DHTKD1: variants seen among roughly 807,000 people sequenced by gnomAD.
DHTKD1 encodes the protein 2-oxoadipate dehydrogenase complex component E1.
DHTKD1 carries 78 observed loss-of-function variants against 101.8 expected under a neutral mutation model. That is an observed-to-expected ratio of 0.77 (90% CI 0.64 to 0.93). DHTKD1 has a LOEUF of 0.93. Among genes scored for constraint, DHTKD1 ranks in the 40% least tolerant of loss-of-function variants. The pLI, the probability that DHTKD1 is intolerant of heterozygous loss-of-function variation, is 0.00. For missense variants in DHTKD1, 1,223 were observed against 1,161.7 expected (o/e 1.05, Z -0.77); for synonymous variants, 462 against 450.3 (o/e 1.03, Z -0.33).
At chr10:12,074,172 T>TTTTTGTTTTG (rs71382614) in intron 1 of DHTKD1, among the ~76,000 whole-genome samples, 247 of 150,532 alleles carry the variant, frequency 1.6e-3, no homozygotes, top group Middle Eastern at 0.01. Context: ...AAAGTTTTGC[T>TTTTTGTTTTG]TTTTGTTTTG....
At chr10:12,086,247 G>T (rs1416896372) in intron 3 of DHTKD1, among the ~76,000 whole-genome samples, 8 of 127,790 alleles carry the variant, frequency 6.3e-5, no homozygotes, top group Admixed American at 1.8e-4. Flanking sequence ...TTTTGAGATG[G>T]ATTCTCCCTG....
At chr10:12,101,966 T>C (rs928405050) in intron 10 of DHTKD1, among the ~76,000 whole-genome samples, 3 of 152,168 alleles carry the variant, frequency 2.0e-5, no homozygotes, top group African/African-American at 7.2e-5. Flanking sequence ...AGGATAGTAG[T>C]GGAGTCTTTT....
rs1460366028 is a variant in DHTKD1, at chr10:12,118,761, C to T, written c.2415C>T (p.Leu805=). 6 of 1,580,032 alleles carry T rather than the reference C, an allele frequency of 3.8e-6. No individual in the cohort carries two copies. Among genetic ancestry groups the T allele is most frequent in the South Asian group, 3.5e-5 (3 of 85,574 alleles). Residue 805 remains leucine, a synonymous_variant, in exon 15 of 17, where the codon CTC becomes CTT. Transcript: ENST00000263035. ...SSVDPKKVKT[L]VFCSGKHFYS... is the part of the protein sequence containing the mutation. ...TTCTGTCCAACAGGGTTAAGACCCTCGTGTTCTGCTCCGGCAAACATTTCT... is the reference window on the plus strand; with the variant it reads ...TTCTGTCCAACAGGGTTAAGACCCTTGTGTTCTGCTCCGGCAAACATTTCT...
chr10:12,115,159 C>A (rs898344097), intron 13 of DHTKD1, among the ~76,000 whole-genome samples: 4 of 151,616 alleles, frequency 2.6e-5, no homozygotes, highest in African/African-American at 9.7e-5. Flanking sequence ...AGAGCGCGAT[C>A]TTGGCTCGCT....
At chr10:12,070,015 A>G (rs1451862922) in intron 1 of DHTKD1, among the ~76,000 whole-genome samples, 1 of 152,048 alleles carries the variant, frequency 6.6e-6, no homozygotes, top group Admixed American at 6.6e-5. Flanking sequence ...AGACAGCATG[A>G]TATTTATTAT....
intron 13 of DHTKD1, among the ~76,000 whole-genome samples, chr10:12,113,590 A>G (rs1445356878): frequency 6.6e-6 from 1 of 152,186 alleles, no homozygotes; most frequent in Non-Finnish European, 1.5e-5. Flanking sequence ...AGCAGATGTT[A>G]TACTAGTGCC....
intron 15 of DHTKD1, among the ~76,000 whole-genome samples, chr10:12,119,319 T>A (rs1833476684): frequency 7.9e-6 from 1 of 125,926 alleles, no homozygotes; most frequent in Admixed American, 8.4e-5. Context: ...CACAAAAACA[T>A]GAAAATTTGG....
At chr10:12,108,280 T>C (rs1564397093) in intron 12 of DHTKD1, among the ~76,000 whole-genome samples, 1 of 152,142 alleles carries the variant, frequency 6.6e-6, no homozygotes, top group Non-Finnish European at 1.5e-5. Context: ...GAGAGCTTTT[T>C]TATTTTTATT....
intron 7 of DHTKD1, among the ~76,000 whole-genome samples, chr10:12,095,834 G>GAAAA (rs1564393460): frequency 1.5e-5 from 1 of 68,850 alleles, no homozygotes; most frequent in Non-Finnish European, 2.6e-5. Flanking sequence ...AAAAAAAAAA[G>GAAAA]AAAAGAAAAG....
chr10:12,087,875 G>C lies in DHTKD1; in HGVS notation c.717+146G>C. ...ACCTGCAATCCCAGCCTGTTGGGAG[G>C]ATGAGGCAGGAGGATGGCTTGAATC... is the stretch of plus-strand genomic sequence containing the variant. On this transcript the variant is annotated intron_variant, in intron 4 of 16. Coordinates refer to ENST00000263035, the MANE Select transcript of DHTKD1 (RefSeq NM_018706.7). The surrounding 1 kb of genome is among the most constrained non-coding windows in gnomAD (Gnocchi z 5.2). 1 of 665,380 alleles carries C rather than the reference G, an allele frequency of 1.5e-6. No individual in the cohort carries two copies. The highest frequency in any genetic ancestry group is 1.9e-5 in the African/African-American group (1 of 54,018). The allele number at this position is 665,380 out of a possible 1,614,324, so 41.2% of individuals were successfully genotyped here. A position where few individuals can be genotyped will look rare whatever the true frequency, so the allele number is the denominator to read the frequency against.
At chr10:12,074,250 A>G (rs1832691219) in intron 1 of DHTKD1, among the ~76,000 whole-genome samples, 1 of 151,956 alleles carries the variant, frequency 6.6e-6, no homozygotes, top group Admixed American at 6.6e-5. Context: ...GCACAATTAC[A>G]GCTTACCATA....
At chr10:12,104,788 ACATC>A (rs1178831072) in intron 10 of DHTKD1, among the ~76,000 whole-genome samples, 1 of 152,112 alleles carries the variant, frequency 6.6e-6, no homozygotes, top group African/African-American at 2.4e-5. Flanking sequence ...AAATGGGGGG[ACATC>A]CTTCTCCATC....
At position 12,084,549 on chromosome 10, in the gene DHTKD1, A is replaced by G; in HGVS notation, c.320A>G (p.Asn107Ser). The G allele has an allele frequency of 6.2e-7, 1 of 1,601,942 alleles. No homozygotes were observed. The highest frequency in any genetic ancestry group is 8.6e-7 in the Non-Finnish European group (1 of 1,168,956). Residue 107 changes from asparagine (N) to serine (S), a missense_variant, in exon 3 of 17, where the codon AAC (asparagine) becomes AGC (serine). Physicochemically the swap from Asn to Ser is conservative, Grantham distance 46. Transcript: ENST00000263035. The part of the protein sequence containing the change: ...QGPFHTAGLL[N>S]MGKEEASLEE... ...TGATTGTATTTCACAGGATTATTGA[A>G]CATGGGGAAGGAAGAGGCCTCACTT...
intron 1 of DHTKD1, among the ~76,000 whole-genome samples, chr10:12,069,774 G>A (rs1216248160): frequency 1.5e-5 from 2 of 137,722 alleles, no homozygotes; most frequent in Non-Finnish European, 3.1e-5. Flanking sequence ...TTGAGCTCAA[G>A]CTGATCCTGC....
intron 2 of DHTKD1, among the ~76,000 whole-genome samples, chr10:12,083,372 A>C (rs1375527503): frequency 6.6e-6 from 1 of 152,194 alleles, no homozygotes; most frequent in Non-Finnish European, 1.5e-5. Flanking sequence ...CCTGGGCCAC[A>C]TTCAAAGCTG....
chr10:12,113,035 G>T lies in DHTKD1; in HGVS notation c.2290G>T (p.Ala764Ser), dbSNP rs1413860878. The T allele has an allele frequency of 2.5e-6, 4 of 1,613,094 alleles. No homozygotes were observed. The South Asian group carries it at 3.3e-5, about 13-fold the overall frequency. The change falls in exon 13 of 17, where the codon GCT (alanine) becomes TCT (serine). Residue 764 changes from alanine (A) to serine (S), a missense_variant. By Grantham distance (99) the Ala-to-Ser change is moderately conservative. Coordinates refer to ENST00000263035, the MANE Select transcript of DHTKD1 (RefSeq NM_018706.7). The part of the protein sequence containing the change: ...VRNFRKPLIV[A>S]SPKMLLRLPA... The stretch of plus-strand genomic sequence containing the variant: ...GAACTTCAGAAAACCACTCATTGTT[G>T]CTTCCCCTAAGATGTTACTCAGGCT...
At chr10:12,069,261 G>T (rs889488191) in intron 1 of DHTKD1, 74 bp downstream of exon 1, 3 of 1,369,566 alleles carry the variant, frequency 2.2e-6, no homozygotes, top group Non-Finnish European at 2.9e-6. Context: ...TTGCGGTGGG[G>T]TGTCGGGGTC....
chr10:12,073,807 AGCTCTTGTACTCTAAGTTTGAGG>A (rs1832685066), intron 1 of DHTKD1, among the ~76,000 whole-genome samples: 1 of 152,210 alleles, frequency 6.6e-6, no homozygotes, highest in Non-Finnish European at 1.5e-5. Context: ...AAGCTGCTTC[AGCTCTTGTACTCTAAGTTTGAGG>A]GCTCTGAAAA....
rs900569608 is a variant in DHTKD1 at position 12,087,314 on chromosome 10, G to A, written c.523-221G>A. Among the ~76,000 whole-genome samples the A allele has an allele frequency of 2.6e-5, 4 of 152,024 alleles. No individual in the cohort carries two copies. The highest frequency in any genetic ancestry group is 1.9e-4 in the East Asian group (1 of 5,198). On this transcript the variant is annotated intron_variant, in intron 3 of 16. Coordinates refer to ENST00000263035, the MANE Select transcript of DHTKD1 (RefSeq NM_018706.7). The surrounding 1 kb of genome is among the most constrained non-coding windows in gnomAD (Gnocchi z 5.2). ...TTTCCTTGGGGTGAGTTATTCTGCC[G>A]CTCAGGTTATTCTCCTCAGCCCCTC...
Sources: allele counts gnomAD v4.1 joint callset (sites outside exome capture counted in the v4.1 genomes callset), GRCh38; gene constraint gnomAD v4.1.1; non-coding constraint Gnocchi (gnomAD v3.1); transcripts MANE v1.5; gene names NCBI Gene and HGNC (gene_info 2026-07-23, HGNC 2026-07-21).